Variants in REPS1 observed in about 807,000 individuals in gnomAD.
The protein encoded by REPS1 is ralBP1-associated Eps domain-containing protein 1.
In REPS1, 39 loss-of-function variants were observed where a neutral mutation model predicts 100.9. That is an observed-to-expected ratio of 0.39 (90% CI 0.30 to 0.50). The LOEUF (loss-of-function observed/expected upper bound fraction) is 0.50, where lower values mean the gene tolerates loss of function less well. Ranked by LOEUF, REPS1 falls within the 20% of genes least tolerant of loss-of-function variation. The probability of loss-of-function intolerance (pLI) is 0.86; values close to 1 mark genes in which losing one functional copy is unlikely to be tolerated. For missense variants in REPS1, 821 were observed against 968.5 expected, an observed-to-expected ratio of 0.85 and a Z score of 2.02; for synonymous variants, 324 against 340.3, an observed-to-expected ratio of 0.95 and a Z score of 0.53.
intron 1 of REPS1, among the ~76,000 whole-genome samples, chr6:138,984,774 TA>T (rs1785160966): frequency 6.6e-6 from 1 of 152,182 alleles, no homozygotes; most frequent in South Asian, 2.1e-4. Flanking sequence ...TCATTTCTCT[TA>T]AATCTACCAC....
chr6:138,917,756 A>T (rs527932165), intron 12 of REPS1, 129 bp from the exon 13 acceptor site: 1 of 667,558 alleles, frequency 1.5e-6, no homozygotes, highest in South Asian at 1.9e-5. Context: ...ATAGGCTAAC[A>T]GTTCATCCTA....
chr6:138,937,270 T>G (rs1398958119), intron 8 of REPS1, among the ~76,000 whole-genome samples: 2 of 152,014 alleles, frequency 1.3e-5, no homozygotes, highest in African/African-American at 4.8e-5. Context: ...CCAAACCATA[T>G]CAATTATAAA....
intron 10 of REPS1, among the ~76,000 whole-genome samples, chr6:138,923,494 A>G (rs1780912221): frequency 6.6e-6 from 1 of 152,184 alleles, no homozygotes; most frequent in African/African-American, 2.4e-5. Flanking sequence ...ACAGCTGGGA[A>G]TGTTAACTAG....
At chr6:138,940,782 A>G (rs1026820589) in intron 8 of REPS1, among the ~76,000 whole-genome samples, 5 of 150,112 alleles carry the variant, frequency 3.3e-5, no homozygotes, top group Non-Finnish European at 7.4e-5. Context: ...GAAAAGGAAG[A>G]AAGAAAGAAA....
chr6:138,927,833 AAT>A (rs1208317905), intron 9 of REPS1: 1 of 152,226 alleles, frequency 6.6e-6, no homozygotes, highest in African/African-American at 2.4e-5. Flanking sequence ...GTTACTTATC[AAT>A]ATCTGTTAAT....
intron 16 of REPS1, among the ~76,000 whole-genome samples, chr6:138,911,782 T>C (rs1160332838): frequency 2.7e-5 from 4 of 149,152 alleles, no homozygotes; most frequent in African/African-American, 1.0e-4. Context: ...ATGCAGGTAG[T>C]AGATGTGTGA....
intron 1 of REPS1, among the ~76,000 whole-genome samples, chr6:138,968,475 A>G (rs1784134877): frequency 6.6e-6 from 1 of 151,964 alleles, no homozygotes; most frequent in African/African-American, 2.4e-5. Flanking sequence ...CAAGATATGA[A>G]CGCAGTTTTG....
intron 12 of REPS1, among the ~76,000 whole-genome samples, chr6:138,918,178 T>C (rs1227081316): frequency 6.6e-6 from 1 of 152,056 alleles, no homozygotes; most frequent in Non-Finnish European, 1.5e-5. Context: ...CTCTAACTCC[T>C]GGGTTTAAGC....
At chr6:138,969,397 C>T (rs1371775333) in intron 1 of REPS1, among the ~76,000 whole-genome samples, 3 of 149,932 alleles carry the variant, frequency 2.0e-5, no homozygotes, top group Admixed American at 1.3e-4. Flanking sequence ...GTTCAAACCC[C>T]TTCTGCCTTA....
In REPS1 at chr6:138,941,383, G is replaced by T. The variant is rs773053142; in HGVS notation, c.1087C>A (p.Leu363Ile). 1 of 1,614,064 alleles carries T rather than the reference G, an allele frequency of 6.2e-7. No individual in the cohort carries two copies. The highest frequency in any genetic ancestry group is 8.5e-7 in the Non-Finnish European group (1 of 1,179,990). The change falls in exon 8 of 20, where the codon CTT (leucine) becomes ATT (isoleucine). Residue 363 changes from leucine (L) to isoleucine (I), a missense_variant. Coordinates refer to ENST00000450536, the MANE Select transcript of REPS1 (RefSeq NM_001286611.2). The stretch of plus-strand genomic sequence containing the variant: ...AGTTTGGGCATTAAGCTTTCAGGAA[G>T]TTTTTCTGGTAAATCATAGCCATTC... ...RKNGYDLPEK[L>I]PESLMPKLID...
At chr6:138,977,707 C>T (rs912911867) in intron 1 of REPS1, among the ~76,000 whole-genome samples, 2 of 152,180 alleles carry the variant, frequency 1.3e-5, no homozygotes, top group African/African-American at 4.8e-5. Flanking sequence ...TGCTAACAGA[C>T]ATGTACATAC....
chr6:138,926,483 T>A lies in REPS1; in HGVS notation c.1258-2A>T. ...GCGTTCACTAAATGTCTCCCACTGC[T>A]GAACAGACAGAGGAGAGACAAGTCA... On this transcript the variant is annotated splice_acceptor_variant, in intron 9 of 19. Coordinates refer to ENST00000450536, the MANE Select transcript of REPS1 (RefSeq NM_001286611.2). LOFTEE classifies it high-confidence loss of function. 6.2e-7 allele frequency: 1 copy of A among 1,605,966 alleles called. No homozygotes were observed. Among genetic ancestry groups the A allele is most frequent in the Admixed American group, 1.7e-5 (1 of 59,780 alleles).
intron 9 of REPS1, chr6:138,928,685 G>C (rs1781297386): frequency 6.6e-6 from 1 of 152,078 alleles, no homozygotes; most frequent in Non-Finnish European, 1.5e-5. Context: ...GCTTTAGAAA[G>C]AATGTTTTTA....
chr6:138,903,644 G>A lies in REPS1; in HGVS notation c.*1420C>T, dbSNP rs1275510706. ...GGAAACAGCAAAACTTGCTTGTAAT[G>A]AAATACAGCTGAGTAAAAATGTTTC... is the stretch of plus-strand genomic sequence containing the variant. On this transcript the variant is annotated 3_prime_UTR_variant, in exon 20 of 20. Transcript: ENST00000450536. 6.6e-6 allele frequency: 1 copy of A among 152,172 alleles called. No individual in the cohort carries two copies. Among genetic ancestry groups the A allele is most frequent in the Non-Finnish European group, 1.5e-5 (1 of 68,022 alleles). 9.4% of individuals were successfully genotyped at this position (152,172 alleles called of 1,614,324 possible). A position where few individuals can be genotyped will look rare whatever the true frequency, so the allele number is the denominator to read the frequency against.
At chr6:138,947,997 C>A in intron 1 of REPS1, 84 bp from the exon 2 acceptor site, 1 of 1,265,218 alleles carries the variant, frequency 7.9e-7, no homozygotes, top group Non-Finnish European at 1.1e-6. Flanking sequence ...TTGTTTGTAA[C>A]GTCTCAAAAT....
intron 12 of REPS1, among the ~76,000 whole-genome samples, chr6:138,918,942 T>C (rs548538621): frequency 6.6e-6 from 1 of 152,348 alleles, no homozygotes; most frequent in Admixed American, 6.5e-5. Flanking sequence ...GGACTGGTTA[T>C]TTTAATTGTA....
Position 138,945,329 on chromosome 6 carries a change from G to T in REPS1, c.518C>A (p.Thr173Asn). 6.2e-7 allele frequency: 1 copy of T among 1,612,404 alleles called. No homozygotes were observed. Among genetic ancestry groups the T allele is most frequent in the South Asian group, 1.1e-5 (1 of 90,940 alleles). ...PVVSPQQSPP[T>N]SPHTWRKHSR... The stretch of plus-strand genomic sequence containing the variant: ...GTGCTTCCTCCATGTGTGTGGAGAA[G>T]TTGGTGGGGATTGCTGTGGTGAAAC... Residue 173 changes from threonine to asparagine, a missense_variant, in exon 4 of 20, where the codon ACT (threonine) becomes AAT (asparagine). By Grantham distance (65) the Thr-to-Asn change is moderately conservative (BLOSUM62 0). Transcript: ENST00000450536.
At chr6:138,905,962 T>C (rs2750413) in intron 19 of REPS1, among the ~76,000 whole-genome samples, 54,492 of 152,160 alleles carry the variant, frequency 0.36, 11,786 homozygotes, top group Admixed American at 0.51. Context: ...ATTGACAGTA[T>C]TGTGTTTTAA....
chr6:138,959,603 C>G (rs899575704), intron 1 of REPS1, among the ~76,000 whole-genome samples: 4 of 152,034 alleles, frequency 2.6e-5, no homozygotes, highest in Non-Finnish European at 5.9e-5. Flanking sequence ...AGTGGGCATG[C>G]TATGTTTTTT....
Sources: allele counts gnomAD v4.1 joint callset (sites outside exome capture counted in the v4.1 genomes callset), GRCh38; gene constraint gnomAD v4.1.1; transcripts MANE v1.5; gene names NCBI Gene and HGNC (gene_info 2026-07-23, HGNC 2026-07-21).